The following MYH15 variants were observed in gnomAD, a reference collection of about 807,000 sequenced individuals.
MYH15 encodes the protein myosin heavy chain 15.
MYH15 carries 227 observed loss-of-function variants against 240.5 expected under a neutral mutation model. The observed-to-expected ratio is 0.94, with a 90% CI of 0.85 to 1.05. MYH15 has a LOEUF of 1.05. Ranked by LOEUF, MYH15 falls within the 50% of genes least tolerant of loss-of-function variation. MYH15 has a pLI of 0.00. For missense variants in MYH15, 2,217 were observed against 2,247.5 expected (o/e 0.99, Z 0.27); for synonymous variants, 785 against 796.7 (o/e 0.99, Z 0.25).
chr3:108,519,343 T>C (rs1231841233), intron 1 of MYH15, among the ~76,000 whole-genome samples: 3 of 152,212 alleles, frequency 2.0e-5, no homozygotes, highest in Admixed American at 2.0e-4. Context: ...GGTATTTAAG[T>C]CAATACATCT....
intron 5 of MYH15, 95 bp downstream of exon 5, chr3:108,499,359 GA>G: frequency 1.6e-6 from 2 of 1,262,070 alleles, no homozygotes; most frequent in Non-Finnish European, 2.3e-6. Context: ...TTAATTCAAA[GA>G]TGGCGAATCA....
rs2082337296 is a variant in MYH15, at chr3:108,380,893, TACTGC to T, written c.*647_*651del. 6.6e-6 allele frequency: 1 copy of T among 152,660 alleles called. No individual in the cohort carries two copies. Among genetic ancestry groups the T allele is most frequent in the African/African-American group, 2.4e-5 (1 of 41,460 alleles). The allele number at this position is 152,660 out of a possible 1,614,324, so 9.5% of individuals were successfully genotyped here. On this transcript the variant is annotated 3_prime_UTR_variant, in exon 41 of 41. Coordinates refer to ENST00000693548, the MANE Select transcript of MYH15 (RefSeq NM_014981.3). Reference sequence around the variant, plus strand: ...TGTTCCTCCAGCTGAGCCAAATCGGTACTGCACAAATCCAGCATATTACCTGTCAC... The same window carrying T: ...TGTTCCTCCAGCTGAGCCAAATCGGTACAAATCCAGCATATTACCTGTCAC...
intron 1 of MYH15, among the ~76,000 whole-genome samples, chr3:108,506,861 T>C (rs1320104362): frequency 6.6e-6 from 1 of 152,112 alleles, no homozygotes; most frequent in African/African-American, 2.4e-5. Context: ...TGAAACCCCA[T>C]TTCTACTAAA....
chr3:108,543,108 T>C, the MYH15 span, among the ~76,000 whole-genome samples: 1 of 152,114 alleles, frequency 6.6e-6, no homozygotes, highest in Non-Finnish European at 1.5e-5. Flanking sequence ...CTCGATCTCC[T>C]GACCTTGTGA....
chr3:108,420,642 T>C lies in MYH15; in HGVS notation c.3829+446A>G, dbSNP rs146138859. On this transcript the variant is annotated intron_variant, in intron 28 of 40. Transcript: ENST00000693548. Reference sequence around the variant, plus strand: ...GGAAAAGAGGTCAGAGAGAATGGGGTCCAATCATACAGGCTCAGGTAGCCG... The same window carrying C: ...GGAAAAGAGGTCAGAGAGAATGGGGCCCAATCATACAGGCTCAGGTAGCCG... 8.9e-3 allele frequency among the ~76,000 whole-genome samples: 1,358 copies of C among 152,116 alleles called. 16 individuals carry two copies. The highest frequency in any genetic ancestry group is 0.031 in the African/African-American group (1,295 of 41,476).
chr3:108,443,100 C>G lies in MYH15; in HGVS notation c.2655+1540G>C, dbSNP rs1324172272. Among the ~76,000 whole-genome samples the G allele has an allele frequency of 3.3e-5, 5 of 152,264 alleles. No homozygotes were observed. In the East Asian group the frequency reaches 9.7e-4, roughly 29 times the overall value. ...AATGATAGAAACTGGGAGGCGAGGT[C>G]TCAACCAAAGTTACCTATTCCCTAA... On this transcript the variant is annotated intron_variant, in intron 22 of 40. Coordinates refer to ENST00000693548, the MANE Select transcript of MYH15 (RefSeq NM_014981.3).
intron 27 of MYH15, among the ~76,000 whole-genome samples, chr3:108,426,425 T>C (rs1318067020): frequency 6.6e-6 from 1 of 152,128 alleles, no homozygotes; most frequent in Non-Finnish European, 1.5e-5. Context: ...CCTCAGAGCT[T>C]GCTGCCCAGG....
chr3:108,393,926 G>A (rs62267994), intron 36 of MYH15, 105 bp downstream of exon 36: 93,576 of 1,522,682 alleles, frequency 0.061, 3,205 homozygotes, highest in Non-Finnish European at 0.069. Flanking sequence ...TGGCTGTATG[G>A]GAAATCAATG....
chr3:108,434,188 T>C (rs1265021303), intron 25 of MYH15, among the ~76,000 whole-genome samples: 1 of 102,630 alleles, frequency 9.7e-6, no homozygotes, highest in African/African-American at 3.3e-5. Flanking sequence ...GAATTGAGAA[T>C]GGTTTTTTTT....
intron 27 of MYH15, 151 bp downstream of exon 27, chr3:108,428,341 C>A (rs2082743017): frequency 1.0e-6 from 1 of 958,094 alleles, no homozygotes; most frequent in East Asian, 2.4e-5. Context: ...TAAGGTCAGG[C>A]CTGATCTATT....
Position 108,501,997 on chromosome 3 carries a change from C to T in MYH15, c.196-142G>A, listed in dbSNP as rs73850505. ...ATGGGGCCAGAAGAAATTAAGCCAG[C>T]CTTCATGGAAAAAAACAGGTGTTCT... is the stretch of plus-strand genomic sequence containing the variant. On this transcript the variant is annotated intron_variant, in intron 2 of 40. Transcript: ENST00000693548. The T allele has an allele frequency of 6.8e-3, 5,836 of 863,712 alleles. 206 individuals are homozygous for T. The African/African-American group carries it at 0.082, about 12-fold the overall frequency. The allele number at this position is 863,712 out of a possible 1,614,324, so 53.5% of individuals were successfully genotyped here. A position where few individuals can be genotyped will look rare whatever the true frequency, so the allele number is the denominator to read the frequency against.
intron 7 of MYH15, among the ~76,000 whole-genome samples, chr3:108,494,281 A>C (rs1366221423): frequency 6.6e-6 from 1 of 152,212 alleles, no homozygotes; most frequent in Non-Finnish European, 1.5e-5. Context: ...GCAAGTAAAT[A>C]TGTATGTGTG....
At chr3:108,473,095 C>A (rs2107588665) in intron 12 of MYH15, among the ~76,000 whole-genome samples, 1 of 152,302 alleles carries the variant, frequency 6.6e-6, no homozygotes, top group South Asian at 2.1e-4. Flanking sequence ...GCAACCTCCG[C>A]CTCCAAGGTT....
At chr3:108,549,816 T>A in the MYH15 span, 1 of 152,104 alleles carries the variant, frequency 6.6e-6, no homozygotes, top group South Asian at 2.1e-4. Flanking sequence ...TGATTTTCCC[T>A]AGAATTTTTG....
rs1576205351 is a variant in MYH15, at chr3:108,394,235, T to A, written c.5134-79A>T. The A allele has an allele frequency of 5.7e-6, 9 of 1,582,620 alleles. No homozygotes were observed. In the East Asian group the frequency reaches 2.0e-4, roughly 35 times the overall value. ...AAGCTGGTCTGTTCAGGACATGCAATGGGAGTCAGCTCTGGCCAGAAGCAA... is the reference window on the plus strand; with the variant it reads ...AAGCTGGTCTGTTCAGGACATGCAAAGGGAGTCAGCTCTGGCCAGAAGCAA... On this transcript the variant is annotated intron_variant, in intron 35 of 40. Coordinates refer to ENST00000693548, the MANE Select transcript of MYH15 (RefSeq NM_014981.3).
intron 33 of MYH15, among the ~76,000 whole-genome samples, chr3:108,400,169 G>A (rs1017313212): frequency 6.6e-6 from 1 of 152,152 alleles, no homozygotes; most frequent in Non-Finnish European, 1.5e-5. Context: ...CATACAGAAG[G>A]TCATGGAGTC....
intron 11 of MYH15, among the ~76,000 whole-genome samples, chr3:108,481,361 A>G (rs1466367207): frequency 6.6e-6 from 1 of 152,248 alleles, no homozygotes; most frequent in East Asian, 1.9e-4. Flanking sequence ...AAACCTGGAA[A>G]TATAGCAGTG....
intron 1 of MYH15, among the ~76,000 whole-genome samples, chr3:108,528,495 A>G (rs753744200): frequency 1.3e-5 from 2 of 152,190 alleles, no homozygotes; most frequent in African/African-American, 4.8e-5. Flanking sequence ...GCACTCTGCC[A>G]TGGGTTTTAA....
intron 22 of MYH15, 102 bp downstream of exon 22, chr3:108,444,538 A>G (rs2082910966): frequency 7.5e-7 from 1 of 1,331,584 alleles, no homozygotes; most frequent in Non-Finnish European, 1.0e-6. Context: ...GTATTTGAAA[A>G]CCACATGCAT....
Sources: allele counts gnomAD v4.1 joint callset (sites outside exome capture counted in the v4.1 genomes callset), GRCh38; gene constraint gnomAD v4.1.1; transcripts MANE v1.5; gene names NCBI Gene and HGNC (gene_info 2026-07-23, HGNC 2026-07-21).